RAD51B: variants seen among roughly 807,000 people sequenced by gnomAD.
RAD51B encodes the protein RAD51 paralog B.
RAD51B carries 38 observed loss-of-function variants against 42.2 expected under a neutral mutation model. The ratio of observed to expected loss-of-function variants is 0.90; its 90% CI spans 0.70 to 1.18. The LOEUF (loss-of-function observed/expected upper bound fraction) is 1.18. Ranked by LOEUF, RAD51B falls within the 50% of genes most tolerant of loss-of-function variation. RAD51B has a pLI of 0.00. For synonymous variants in RAD51B, 154 were observed against 145.2 expected, an observed-to-expected ratio of 1.06 and a Z score of -0.43; for missense variants, 373 against 400.7, an observed-to-expected ratio of 0.93 and a Z score of 0.59.
intron 10 of RAD51B, among the ~76,000 whole-genome samples, chr14:68,476,938 C>T (rs564502164): frequency 2.4e-4 from 37 of 152,192 alleles, no homozygotes; most frequent in Non-Finnish European, 4.7e-4. Context: ...CTTCCATGTC[C>T]AGATGTTTAC....
chr14:68,479,920 C>T (rs868488787), downstream of RAD51B, among the ~76,000 whole-genome samples: 3 of 152,124 alleles, frequency 2.0e-5, no homozygotes, highest in Non-Finnish European at 4.4e-5. Context: ...CTTCCAGGCT[C>T]AAGCCACCTT....
chr14:67,859,084 A>G (rs546544630), intron 4 of RAD51B, among the ~76,000 whole-genome samples: 15 of 152,346 alleles, frequency 9.8e-5, no homozygotes, highest in African/African-American at 3.1e-4. Flanking sequence ...CATTTAATCA[A>G]TGGATCAACA....
chr14:67,912,518 G>A (rs1233269880), intron 7 of RAD51B, among the ~76,000 whole-genome samples: 2 of 152,128 alleles, frequency 1.3e-5, no homozygotes, highest in East Asian at 1.9e-4. Context: ...CCCTTGAGGA[G>A]TTCAGATTCT....
At chr14:68,122,812 A>G (rs1289689236) in intron 7 of RAD51B, among the ~76,000 whole-genome samples, 2 of 152,374 alleles carry the variant, frequency 1.3e-5, no homozygotes, top group East Asian at 1.9e-4. Context: ...CTGAATCAGT[A>G]TATTATGGTA....
At chr14:68,242,702 G>A (rs568385533) in intron 7 of RAD51B, among the ~76,000 whole-genome samples, 7 of 152,236 alleles carry the variant, frequency 4.6e-5, no homozygotes, top group Admixed American at 2.6e-4. Context: ...GGTGCTAAAC[G>A]CCATGCTAAA....
chr14:68,416,683 A>G (rs111732077), intron 9 of RAD51B, among the ~76,000 whole-genome samples: 25,408 of 152,240 alleles, frequency 0.17, 2,807 homozygotes, highest in Non-Finnish European at 0.25. Flanking sequence ...AGATACTTAA[A>G]TAGAAATACT....
chr14:68,570,594 A>C (rs1889644824), intron 10 of RAD51B, among the ~76,000 whole-genome samples: 1 of 152,206 alleles, frequency 6.6e-6, no homozygotes, highest in Admixed American at 6.5e-5. Flanking sequence ...TGGGGTCTGC[A>C]GCTGAGCCAG....
intron 7 of RAD51B, among the ~76,000 whole-genome samples, chr14:68,143,976 C>T (rs2078198010): frequency 6.6e-6 from 1 of 151,868 alleles, no homozygotes; most frequent in South Asian, 2.1e-4. Flanking sequence ...ATTACTCAGC[C>T]TTTTTGTCTG....
chr14:67,961,396 C>G (rs188693719), intron 7 of RAD51B, among the ~76,000 whole-genome samples: 3 of 152,292 alleles, frequency 2.0e-5, no homozygotes, highest in Admixed American at 2.0e-4. Context: ...AAATTGGTCA[C>G]TAAGAAAGTA....
chr14:68,084,617 G>A (rs2076958090), intron 7 of RAD51B, among the ~76,000 whole-genome samples: 2 of 152,200 alleles, frequency 1.3e-5, no homozygotes, highest in South Asian at 2.1e-4. Flanking sequence ...ATCATGAGGA[G>A]CAGAGCAAAA....
At chr14:68,203,155 AT>A (rs2079523645) in intron 7 of RAD51B, among the ~76,000 whole-genome samples, 1 of 152,124 alleles carries the variant, frequency 6.6e-6, no homozygotes, top group South Asian at 2.1e-4. Context: ...CAATTTATAT[AT>A]TTTGTGAAGA....
At chr14:68,666,876 G>C (rs1451437405) in intron 11 of RAD51B, among the ~76,000 whole-genome samples, 1 of 152,212 alleles carries the variant, frequency 6.6e-6, no homozygotes, top group Non-Finnish European at 1.5e-5. Flanking sequence ...TATATATAGA[G>C]ATAGATTAGA....
At chr14:68,064,794 T>C (rs557195905) in intron 7 of RAD51B, among the ~76,000 whole-genome samples, 2 of 152,276 alleles carry the variant, frequency 1.3e-5, no homozygotes, top group Admixed American at 1.3e-4. Flanking sequence ...TCCACTGAAT[T>C]CTTCAGCTCC....
chr14:68,238,220 G>T (rs1248624101), intron 7 of RAD51B, among the ~76,000 whole-genome samples: 2 of 152,272 alleles, frequency 1.3e-5, no homozygotes, highest in South Asian at 2.1e-4. Context: ...CCTAGTAGTT[G>T]TGAAGTGGTA....
intron 7 of RAD51B, among the ~76,000 whole-genome samples, chr14:68,225,081 A>G (rs1345443949): frequency 1.3e-5 from 2 of 152,198 alleles, no homozygotes; most frequent in Non-Finnish European, 2.9e-5. Context: ...TAGACATACA[A>G]GTGTGCAATT....
intron 7 of RAD51B, among the ~76,000 whole-genome samples, chr14:68,213,861 C>A (rs1203119486): frequency 6.6e-6 from 1 of 152,048 alleles, no homozygotes; most frequent in African/African-American, 2.4e-5. Flanking sequence ...ATGAAGACAA[C>A]CTTCAAATAT....
Position 68,340,985 on chromosome 14 carries a change from A to G in RAD51B, c.853+49005A>G, listed in dbSNP as rs2082561148. 1.3e-5 allele frequency among the ~76,000 whole-genome samples: 2 copies of G among 152,252 alleles called. 1 individual carries two copies. Among genetic ancestry groups the G allele is most frequent in the Middle Eastern group, 6.3e-3 (2 of 316 alleles). Reference sequence around the variant, plus strand: ...ACAATTTCAAATTATAATTTTGCTGATATTTTCCCCTTCAGGGAAGGTGAG... The same window carrying G: ...ACAATTTCAAATTATAATTTTGCTGGTATTTTCCCCTTCAGGGAAGGTGAG... On this transcript the variant is annotated intron_variant, in intron 8 of 10. Transcript: ENST00000471583.
intron 7 of RAD51B, among the ~76,000 whole-genome samples, chr14:68,277,850 C>T (rs2081253548): frequency 6.6e-6 from 1 of 152,138 alleles, no homozygotes; most frequent in African/African-American, 2.4e-5. Flanking sequence ...GCAATTCTCT[C>T]ATGTGCCTCA....
chr14:68,520,882 A>G (rs1216371316), intron 10 of RAD51B, among the ~76,000 whole-genome samples: 1 of 152,262 alleles, frequency 6.6e-6, no homozygotes, highest in Non-Finnish European at 1.5e-5. Context: ...ACAAGGTACA[A>G]AGAGAAACGT....
Sources: allele counts gnomAD v4.1 joint callset (sites outside exome capture counted in the v4.1 genomes callset), GRCh38; gene constraint gnomAD v4.1.1; transcripts MANE v1.5; gene names NCBI Gene and HGNC (gene_info 2026-07-23, HGNC 2026-07-21).